CRYBA4: variants seen among roughly 807,000 people sequenced by gnomAD.
CRYBA4 encodes crystallin beta A4, also known as beta-crystallin A4.
Under a neutral mutation model 31.7 loss-of-function variants are expected in CRYBA4, and 30 were observed. The observed-to-expected ratio is 0.95, with a 90% CI of 0.71 to 1.28. The LOEUF (loss-of-function observed/expected upper bound fraction) is 1.28, where lower values mean the gene tolerates loss of function less well. CRYBA4 is among the 50% of genes most tolerant of loss of function. The pLI, the probability that CRYBA4 is intolerant of heterozygous loss-of-function variation, is 0.00. For synonymous variants in CRYBA4, 102 were observed against 102.3 expected (o/e 1.00, Z 0.02); for missense variants, 225 against 260.7 (o/e 0.86, Z 0.94).
chr22:26,620,854 C>T (rs770774042), upstream of CRYBA4, among the ~76,000 whole-genome samples: 23 of 152,258 alleles, frequency 1.5e-4, 1 homozygote, highest in Admixed American at 7.2e-4. Flanking sequence ...TGAGCCATTG[C>T]GCCCAGCCTA....
upstream of CRYBA4, among the ~76,000 whole-genome samples, chr22:26,619,387 A>G (rs765714031): frequency 6.6e-6 from 1 of 152,206 alleles, no homozygotes; most frequent in Non-Finnish European, 1.5e-5. Flanking sequence ...ACCGAGGCCC[A>G]GGTGGAACAA....
At chr22:26,596,414 C>G in the CRYBA4 span, among the ~76,000 whole-genome samples, 1 of 152,110 alleles carries the variant, frequency 6.6e-6, no homozygotes, top group Non-Finnish European at 1.5e-5. Flanking sequence ...GGTTTTAGAA[C>G]TGACTTAACT....
chr22:26,603,546 A>G, the CRYBA4 span, among the ~76,000 whole-genome samples: 3 of 151,470 alleles, frequency 2.0e-5, no homozygotes, highest in South Asian at 6.3e-4. Flanking sequence ...ACAACAAAAA[A>G]GAATGGGGTT....
the CRYBA4 span, chr22:26,599,598 A>G: frequency 6.2e-7 from 1 of 1,614,176 alleles, no homozygotes. Context: ...CTCCCCACTC[A>G]TTCCAGTGCC....
At chr22:26,598,374 GCT>G in the CRYBA4 span, among the ~76,000 whole-genome samples, 1 of 143,800 alleles carries the variant, frequency 7.0e-6, no homozygotes, top group African/African-American at 2.6e-5. Flanking sequence ...TCTCTTTCTC[GCT>G]CTCTCTCTCT....
chr22:26,605,540 G>A, the CRYBA4 span, among the ~76,000 whole-genome samples: 21 of 151,908 alleles, frequency 1.4e-4, no homozygotes, highest in African/African-American at 1.9e-4. Context: ...TGGGCGTGGC[G>A]GTGCACACCT....
the CRYBA4 span, chr22:26,596,817 C>T: frequency 6.6e-6 from 1 of 152,228 alleles, no homozygotes; most frequent in East Asian, 1.9e-4. Context: ...AATATCAGAA[C>T]CTTAGAGAGT....
At chr22:26,612,083 G>T in the CRYBA4 span, 8 of 1,612,792 alleles carry the variant, frequency 5.0e-6, no homozygotes, top group African/African-American at 1.3e-5. Context: ...GTCCCGCGGA[G>T]ACAATGATGC....
the CRYBA4 span, among the ~76,000 whole-genome samples, chr22:26,611,419 G>C: frequency 6.6e-6 from 1 of 151,858 alleles, no homozygotes; most frequent in Non-Finnish European, 1.5e-5. Context: ...TTCACTCTTT[G>C]ACCTCTCTCA....
the CRYBA4 span, among the ~76,000 whole-genome samples, chr22:26,590,722 A>T: frequency 6.6e-6 from 1 of 152,054 alleles, no homozygotes; most frequent in Non-Finnish European, 1.5e-5. Flanking sequence ...GCTGCTAAAC[A>T]TTCTGCGGTG....
chr22:26,607,852 T>A, the CRYBA4 span: 1 of 1,613,930 alleles, frequency 6.2e-7, no homozygotes, highest in Non-Finnish European at 8.5e-7. Context: ...CTGCCCCGCC[T>A]GGCTGATTCT....
chr22:26,590,373 G>A, the CRYBA4 span, among the ~76,000 whole-genome samples: 1 of 152,218 alleles, frequency 6.6e-6, no homozygotes, highest in Non-Finnish European at 1.5e-5. Context: ...GGTCAGTTCT[G>A]TTTAAGAGAA....
chr22:26,605,754 T>A, the CRYBA4 span, among the ~76,000 whole-genome samples: 1 of 151,402 alleles, frequency 6.6e-6, no homozygotes, highest in Non-Finnish European at 1.5e-5. Flanking sequence ...CAGGTTTATT[T>A]TTTTTTTTTA....
the CRYBA4 span, among the ~76,000 whole-genome samples, chr22:26,600,944 G>C: frequency 1.3e-5 from 2 of 152,222 alleles, no homozygotes; most frequent in African/African-American, 4.8e-5. Flanking sequence ...AGGTATATCT[G>C]GGTTTCCCTG....
At chr22:26,608,055 G>T in the CRYBA4 span, 1 of 1,613,988 alleles carries the variant, frequency 6.2e-7, no homozygotes, top group South Asian at 1.1e-5. Context: ...GCAGACAGGA[G>T]ACATATGGTT....
intron 1 of CRYBA4, 64 bp from the exon 2 acceptor site, chr22:26,622,521 C>A: frequency 7.0e-7 from 1 of 1,419,462 alleles, no homozygotes; most frequent in Non-Finnish European, 1.0e-6. Context: ...CCAAGCCAGC[C>A]ATCTGCATAA....
upstream of CRYBA4, among the ~76,000 whole-genome samples, chr22:26,620,885 C>T (rs2145977021): frequency 6.6e-6 from 1 of 152,224 alleles, no homozygotes; most frequent in Admixed American, 6.5e-5. Context: ...TTTGATAGAG[C>T]TGCATTTCAC....
chr22:26,594,235 G>A, the CRYBA4 span, among the ~76,000 whole-genome samples: 1 of 152,206 alleles, frequency 6.6e-6, no homozygotes, highest in African/African-American at 2.4e-5. Context: ...TTGGCTCTAA[G>A]AAGGCTCATC....
At chr22:26,596,968 C>T in the CRYBA4 span, among the ~76,000 whole-genome samples, 1 of 152,176 alleles carries the variant, frequency 6.6e-6, no homozygotes, top group Non-Finnish European at 1.5e-5. Context: ...AGGGTTAATA[C>T]CCTTTTATTC....
Sources: allele counts gnomAD v4.1 joint callset (sites outside exome capture counted in the v4.1 genomes callset), GRCh38; gene constraint gnomAD v4.1.1; transcripts MANE v1.5; gene names NCBI Gene and HGNC (gene_info 2026-07-23, HGNC 2026-07-21).